Variants in DCUN1D5 observed in about 807,000 individuals in gnomAD.
DCUN1D5 encodes DCN1-like protein 5.
DCUN1D5 carries 10 observed loss-of-function variants against 38.3 expected under a neutral mutation model. That is an observed-to-expected ratio of 0.26 (90% CI 0.16 to 0.44). The LOEUF (loss-of-function observed/expected upper bound fraction) is 0.44, where lower values mean the gene tolerates loss of function less well. DCUN1D5 is among the 20% of genes least tolerant of loss of function. The pLI is 1.00. For missense variants in DCUN1D5, 148 were observed against 275.3 expected (o/e 0.54, Z 3.27); for synonymous variants, 93 against 90.9 (o/e 1.02, Z -0.13).
rs963506407 is a variant in DCUN1D5 at position 103,058,245 on chromosome 11, C to T, written c.*4114G>A. Among the ~76,000 whole-genome samples, 23 of 152,022 alleles carry T rather than the reference C, an allele frequency of 1.5e-4. No individual in the cohort carries two copies. Among genetic ancestry groups the T allele is most frequent in the African/African-American group, 5.6e-4 (23 of 41,396 alleles). ...CAGCATACACAGCAAAATGTTTCAT[C>T]GATCCTAAAAAGAAAATGGTCACAC... On this transcript the variant is annotated 3_prime_UTR_variant, in exon 8 of 8. Coordinates refer to ENST00000260247, the MANE Select transcript of DCUN1D5 (RefSeq NM_032299.4).
At position 103,060,605 on chromosome 11, in the gene DCUN1D5, T is replaced by C. The variant is rs944773477; in HGVS notation, c.*1754A>G. Among the ~76,000 whole-genome samples the C allele has an allele frequency of 6.6e-6, 1 of 152,128 alleles. No homozygotes were observed. The highest frequency in any genetic ancestry group is 2.4e-5 in the African/African-American group (1 of 41,434). On this transcript the variant is annotated 3_prime_UTR_variant, in exon 8 of 8. Transcript: ENST00000260247. ...AAGGATGCCTGTGCTTTCATAAATATACCTTTTAAAAAACATGTCATCTAT... is the reference window on the plus strand; with the variant it reads ...AAGGATGCCTGTGCTTTCATAAATACACCTTTTAAAAAACATGTCATCTAT...
Position 103,071,642 on chromosome 11 carries a change from T to C in DCUN1D5, c.342-5075A>G, listed in dbSNP as rs548867046. Among the ~76,000 whole-genome samples, 1 of 150,886 alleles carries C rather than the reference T, an allele frequency of 6.6e-6. No homozygotes were observed. The highest frequency in any genetic ancestry group is 1.5e-5 in the Non-Finnish European group (1 of 67,674). ...TTTACATAGATATAAAAATTCTACA[T>C]ATGTAACAATTTTTCTACATCAAAA... On this transcript the variant is annotated intron_variant, in intron 4 of 7. Transcript: ENST00000260247. This position sits in a 1 kb window ranked among gnomAD's most constrained non-coding sequence, Gnocchi z 4.1.
chr11:103,050,875 G>T lies in DCUN1D5; in HGVS notation c.*11484C>A, dbSNP rs1465283587. 6.6e-6 allele frequency: 1 copy of T among 152,164 alleles called. No homozygotes were observed. Among genetic ancestry groups the T allele is most frequent in the Non-Finnish European group, 1.5e-5 (1 of 68,012 alleles). The allele number at this position is 152,164 out of a possible 1,614,324, so 9.4% of individuals were successfully genotyped here. ...ATGCTACTGTAATATGGTGTTATCAGCACTCTAATAAAAGTATATACAAGG... is the reference window on the plus strand; with the variant it reads ...ATGCTACTGTAATATGGTGTTATCATCACTCTAATAAAAGTATATACAAGG... On this transcript the variant is annotated 3_prime_UTR_variant, in exon 8 of 8. Coordinates refer to ENST00000260247, the MANE Select transcript of DCUN1D5 (RefSeq NM_032299.4).
Position 103,054,003 on chromosome 11 carries a change from C to G in DCUN1D5, c.*8356G>C, listed in dbSNP as rs2134586249. On this transcript the variant is annotated 3_prime_UTR_variant, in exon 8 of 8. Coordinates refer to ENST00000260247, the MANE Select transcript of DCUN1D5 (RefSeq NM_032299.4). The stretch of plus-strand genomic sequence containing the variant: ...GAACTAGCACACAGAAATAGGTACC[C>G]TAAAAGGACTAGGGGTGCAAGAGGA... 1 of 152,168 alleles carries G rather than the reference C, an allele frequency of 6.6e-6. No individual in the cohort carries two copies. Among genetic ancestry groups the G allele is most frequent in the Admixed American group, 6.5e-5 (1 of 15,280 alleles). 9.4% of individuals were successfully genotyped at this position (152,168 alleles called of 1,614,324 possible).
At chr11:103,067,916 C>G (rs568854034) in intron 4 of DCUN1D5, among the ~76,000 whole-genome samples, 6 of 152,102 alleles carry the variant, frequency 3.9e-5, no homozygotes, top group African/African-American at 1.4e-4. Flanking sequence ...TTTTCCCCCC[C>G]GTTTTTTGAA....
intron 4 of DCUN1D5, among the ~76,000 whole-genome samples, chr11:103,070,003 A>C (rs1029283620): frequency 2.6e-5 from 4 of 152,202 alleles, no homozygotes; most frequent in Non-Finnish European, 5.9e-5. Flanking sequence ...CAACCACCAA[A>C]ATGACAGAGA....
Position 103,091,462 on chromosome 11 carries a change from G to C in DCUN1D5, c.86+325C>G. On this transcript the variant is annotated intron_variant, in intron 1 of 7. Transcript: ENST00000260247. This position sits in a 1 kb window ranked among gnomAD's most constrained non-coding sequence, Gnocchi z 4.3. Reference sequence around the variant, plus strand: ...GGCAGAGGAGCGATACGGGAGTAGGGGATCGAGGGTCGGTTGTGGGGTGGG... The same window carrying C: ...GGCAGAGGAGCGATACGGGAGTAGGCGATCGAGGGTCGGTTGTGGGGTGGG... 1 of 334,266 alleles carries C rather than the reference G, an allele frequency of 3.0e-6. No homozygotes were observed. The highest frequency in any genetic ancestry group is 5.7e-6 in the Non-Finnish European group (1 of 176,360). The allele number at this position is 334,266 out of a possible 1,614,324, so 20.7% of individuals were successfully genotyped here.
rs1565277105 is a variant in DCUN1D5, at chr11:103,051,509, C to CCCCCA, written c.*10849_*10850insTGGGG. 2 of 140,260 alleles carry CCCCCA rather than the reference C, an allele frequency of 1.4e-5. No homozygotes were observed. Among genetic ancestry groups the CCCCCA allele is most frequent in the Non-Finnish European group, 3.1e-5 (2 of 64,764 alleles). The allele number at this position is 140,260 out of a possible 1,614,324, so 8.7% of individuals were successfully genotyped here. A position where few individuals can be genotyped will look rare whatever the true frequency, so the allele number is the denominator to read the frequency against. ...GGCTTCACATATTTACTTCCCCCCC[C>CCCCCA]CCCCCGCCACCCCTGTGTTAACAGG... On this transcript the variant is annotated 3_prime_UTR_variant, in exon 8 of 8. Coordinates refer to ENST00000260247, the MANE Select transcript of DCUN1D5 (RefSeq NM_032299.4).
chr11:103,075,026 G>C (rs1279583710), intron 4 of DCUN1D5, among the ~76,000 whole-genome samples: 1 of 152,180 alleles, frequency 6.6e-6, no homozygotes, highest in African/African-American at 2.4e-5. Flanking sequence ...GGGTCAGATA[G>C]TGAATTCCAG....
chr11:103,051,735 GAA>G lies in DCUN1D5; in HGVS notation c.*10622_*10623del, dbSNP rs112208712. The stretch of plus-strand genomic sequence containing the variant: ...ATCTTACCTCTACCTCACAGAAGAG[GAA>G]AAAGGGAGCTCAAGTTATCTTCTCA... On this transcript the variant is annotated 3_prime_UTR_variant, in exon 8 of 8. Coordinates refer to ENST00000260247, the MANE Select transcript of DCUN1D5 (RefSeq NM_032299.4). The G allele has an allele frequency of 6.6e-6, 1 of 151,832 alleles. No individual in the cohort carries two copies. Among genetic ancestry groups the G allele is most frequent in the South Asian group, 2.1e-4 (1 of 4,804 alleles). 9.4% of individuals were successfully genotyped at this position (151,832 alleles called of 1,614,324 possible). A position where few individuals can be genotyped will look rare whatever the true frequency, so the allele number is the denominator to read the frequency against.
Position 103,061,425 on chromosome 11 carries a change from A to C in DCUN1D5, c.*934T>G, listed in dbSNP as rs1862006240. Among the ~76,000 whole-genome samples, 1 of 152,108 alleles carries C rather than the reference A, an allele frequency of 6.6e-6. No homozygotes were observed. Among genetic ancestry groups the C allele is most frequent in the Non-Finnish European group, 1.5e-5 (1 of 67,986 alleles). ...TTCCTCAAGACACTTGATTACCAAC[A>C]GGCAGAAAATTGTGATAATTAGCAA... On this transcript the variant is annotated 3_prime_UTR_variant, in exon 8 of 8. Transcript: ENST00000260247.
At chr11:103,074,470 G>C (rs961719207) in intron 4 of DCUN1D5, among the ~76,000 whole-genome samples, 12 of 152,102 alleles carry the variant, frequency 7.9e-5, no homozygotes, top group Non-Finnish European at 1.3e-4. Context: ...GTGCAGTGGT[G>C]CAATCTCAGG....
At chr11:103,082,725 T>A (rs1471534628) in intron 4 of DCUN1D5, 23 bp downstream of exon 4, 2 of 1,498,558 alleles carry the variant, frequency 1.3e-6, no homozygotes, top group Non-Finnish European at 9.2e-7. Context: ...CCATCAAATT[T>A]GTTTTTTAAA....
At position 103,064,896 on chromosome 11, in the gene DCUN1D5, G is replaced by T. The variant is rs1256088560; in HGVS notation, c.556-519C>A. Among the ~76,000 whole-genome samples, 1 of 152,142 alleles carries T rather than the reference G, an allele frequency of 6.6e-6. No homozygotes were observed. The highest frequency in any genetic ancestry group is 1.5e-5 in the Non-Finnish European group (1 of 68,026). ...CCTCCTCATTTGTTAAATGGGGATAGAATTTAATTCAAAATGGTATTATAA... is the reference window on the plus strand; with the variant it reads ...CCTCCTCATTTGTTAAATGGGGATATAATTTAATTCAAAATGGTATTATAA... On this transcript the variant is annotated intron_variant, in intron 6 of 7. Coordinates refer to ENST00000260247, the MANE Select transcript of DCUN1D5 (RefSeq NM_032299.4). The surrounding 1 kb of genome is among the most constrained non-coding windows in gnomAD (Gnocchi z 4.5).
rs372298018 is a variant in DCUN1D5 at position 103,071,644 on chromosome 11, T to A, written c.342-5077A>T. On this transcript the variant is annotated intron_variant, in intron 4 of 7. Transcript: ENST00000260247. The surrounding 1 kb of genome is among the most constrained non-coding windows in gnomAD (Gnocchi z 4.1). ...TACATAGATATAAAAATTCTACATA[T>A]GTAACAATTTTTCTACATCAAAACT... 2.7e-5 allele frequency among the ~76,000 whole-genome samples: 4 copies of A among 150,902 alleles called. No homozygotes were observed.
rs1414008930 is a variant in DCUN1D5 at position 103,079,368 on chromosome 11, T to A, written c.341+3380A>T. 1.3e-5 allele frequency among the ~76,000 whole-genome samples: 2 copies of A among 152,244 alleles called. 1 individual carries two copies. Among genetic ancestry groups the A allele is most frequent in the Non-Finnish European group, 2.9e-5 (2 of 68,034 alleles). On this transcript the variant is annotated intron_variant, in intron 4 of 7. Transcript: ENST00000260247. ...ACAAAAGCTGCATCTTATTCCTCGC[T>A]GTGATCACCAGTAAGTGATACTGTG...
intron 4 of DCUN1D5, among the ~76,000 whole-genome samples, chr11:103,072,131 T>C (rs1455341188): frequency 1.3e-5 from 2 of 152,082 alleles, no homozygotes; most frequent in Non-Finnish European, 2.9e-5. Flanking sequence ...GCCAACGTTT[T>C]CTCTCTAAGA....
chr11:103,069,284 A>G lies in DCUN1D5; in HGVS notation c.342-2717T>C, dbSNP rs554857549. Among the ~76,000 whole-genome samples, 14 of 152,292 alleles carry G rather than the reference A, an allele frequency of 9.2e-5. No homozygotes were observed. The South Asian group carries it at 2.5e-3, about 27-fold the overall frequency. On this transcript the variant is annotated intron_variant, in intron 4 of 7. Transcript: ENST00000260247. ...CCAGCAACACCAATGGGGGCAGACAAAAAGCCCCAATAAAACCCTGCCTTT... is the reference window on the plus strand; with the variant it reads ...CCAGCAACACCAATGGGGGCAGACAGAAAGCCCCAATAAAACCCTGCCTTT...
rs9633976 is a variant in DCUN1D5 at position 103,068,024 on chromosome 11, A to T, written c.342-1457T>A. ...TAATAAACCAACATTTTTAATGGCC[A>T]TAGGGCCATTCAGATTTTCTATTTC... On this transcript the variant is annotated intron_variant, in intron 4 of 7. Coordinates refer to ENST00000260247, the MANE Select transcript of DCUN1D5 (RefSeq NM_032299.4). Among the ~76,000 whole-genome samples, 137 of 152,292 alleles carry T rather than the reference A, an allele frequency of 9.0e-4. No individual in the cohort carries two copies. In the East Asian group the frequency reaches 0.023, roughly 26 times the overall value.
Sources: allele counts gnomAD v4.1 joint callset (sites outside exome capture counted in the v4.1 genomes callset), GRCh38; gene constraint gnomAD v4.1.1; non-coding constraint Gnocchi (gnomAD v3.1); transcripts MANE v1.5; gene names NCBI Gene and HGNC (gene_info 2026-07-23, HGNC 2026-07-21).